The following ADGRL2 variants were observed in gnomAD, a reference collection of about 807,000 sequenced individuals.
ADGRL2 encodes the protein adhesion G protein-coupled receptor L2.
Under a neutral mutation model 157.4 loss-of-function variants are expected in ADGRL2, and 44 were observed. The ratio of observed to expected loss-of-function variants is 0.28; its 90% confidence interval spans 0.22 to 0.36. ADGRL2 has a LOEUF of 0.36. Among genes scored for constraint, ADGRL2 ranks in the 10% least tolerant of loss-of-function variants. The pLI, the probability that ADGRL2 is intolerant of heterozygous loss-of-function variation, is 1.00. For missense variants in ADGRL2, 1,510 were observed against 1,768.9 expected (o/e 0.85, Z 2.63); for synonymous variants, 585 against 624.7 (o/e 0.94, Z 0.95).
At chr1:81,697,173 G>A (rs1406516631), upstream of ADGRL2, among the ~76,000 whole-genome samples, 1 of 152,246 alleles carries the variant, frequency 6.6e-6, no homozygotes, top group South Asian at 2.1e-4. Context: ...AGCCTTAGGG[G>A]TTCAAATTGA....
chr1:81,472,958 TGTC>T (rs2078201425), intron 2 of ADGRL2, among the ~76,000 whole-genome samples: 1 of 152,184 alleles, frequency 6.6e-6, no homozygotes. Flanking sequence ...CAAAAGTGTC[TGTC>T]TGAGAACCCG....
At chr1:81,474,634 A>G (rs916916911) in intron 2 of ADGRL2, among the ~76,000 whole-genome samples, 1 of 152,208 alleles carries the variant, frequency 6.6e-6, no homozygotes, top group African/African-American at 2.4e-5. Flanking sequence ...ATTATAGAGT[A>G]GAGTCAAATC....
chr1:81,777,985 C>T (rs1410986068), intron 2 of ADGRL2, among the ~76,000 whole-genome samples: 1 of 152,056 alleles, frequency 6.6e-6, no homozygotes, highest in Non-Finnish European at 1.5e-5. Flanking sequence ...ATTAACATTG[C>T]CATTGGGTAC....
At chr1:81,973,539 G>T (rs561446262) in intron 17 of ADGRL2, among the ~76,000 whole-genome samples, 1 of 152,164 alleles carries the variant, frequency 6.6e-6, no homozygotes, top group African/African-American at 2.4e-5. Context: ...GTGAAGATAA[G>T]TACTGACTTT....
chr1:81,840,002 G>A (rs753435098), intron 2 of ADGRL2, among the ~76,000 whole-genome samples: 2 of 131,090 alleles, frequency 1.5e-5, no homozygotes, highest in South Asian at 2.5e-4. Flanking sequence ...CTCGTTGATT[G>A]ATGGGCATTT....
intron 3 of ADGRL2, among the ~76,000 whole-genome samples, chr1:81,654,059 C>T (rs2082479088): frequency 6.6e-6 from 1 of 152,124 alleles, no homozygotes; most frequent in South Asian, 2.1e-4. Flanking sequence ...AATTCTCCTG[C>T]CTCAGCCTCC....
At chr1:81,400,979 G>T (rs908957551) in intron 1 of ADGRL2, among the ~76,000 whole-genome samples, 1 of 152,140 alleles carries the variant, frequency 6.6e-6, no homozygotes, top group African/African-American at 2.4e-5. Context: ...TTTTCTCAGG[G>T]AACAATGTGC....
At chr1:81,865,317 ACTC>A (rs1357482745) in intron 2 of ADGRL2, among the ~76,000 whole-genome samples, 1 of 152,118 alleles carries the variant, frequency 6.6e-6, no homozygotes, top group South Asian at 2.1e-4. Context: ...CTCCAGTCAG[ACTC>A]CTCCTGATAT....
At chr1:81,746,824 A>G (rs2085262187) in intron 1 of ADGRL2, among the ~76,000 whole-genome samples, 1 of 151,086 alleles carries the variant, frequency 6.6e-6, no homozygotes, top group African/African-American at 2.4e-5. Context: ...TACTAATTCA[A>G]ATTATATATA....
intron 2 of ADGRL2, among the ~76,000 whole-genome samples, chr1:81,468,445 A>G (rs1198989248): frequency 6.6e-6 from 1 of 152,204 alleles, no homozygotes; most frequent in Non-Finnish European, 1.5e-5. Context: ...CAGAAAATAA[A>G]ATGGACCCCA....
At chr1:81,432,112 G>T (rs765562901) in intron 1 of ADGRL2, among the ~76,000 whole-genome samples, 6 of 152,316 alleles carry the variant, frequency 3.9e-5, no homozygotes, top group Non-Finnish European at 7.4e-5. Flanking sequence ...GTCACAGATT[G>T]CATCAAGCCA....
chr1:81,382,528 C>T (rs35709841), intron 1 of ADGRL2, among the ~76,000 whole-genome samples: 168 of 151,864 alleles, frequency 1.1e-3, no homozygotes, highest in Non-Finnish European at 2.2e-3. Flanking sequence ...AGGTTATTTG[C>T]TTTTTTAAAA....
At chr1:81,961,931 T>C (rs1655533581) in intron 11 of ADGRL2, among the ~76,000 whole-genome samples, 1 of 152,222 alleles carries the variant, frequency 6.6e-6, no homozygotes, top group Non-Finnish European at 1.5e-5. Context: ...ATAGACATTT[T>C]AGTGGCTTCT....
intron 8 of ADGRL2, 127 bp downstream of exon 8, chr1:81,951,248 T>A (rs933792806): frequency 5.4e-5 from 32 of 590,952 alleles, no homozygotes; most frequent in Non-Finnish European, 9.3e-5. Context: ...TAAAAAAAAA[T>A]TACGCATAGT....
At chr1:81,540,881 G>T (rs560037968) in intron 2 of ADGRL2, among the ~76,000 whole-genome samples, 2 of 152,080 alleles carry the variant, frequency 1.3e-5, no homozygotes, top group East Asian at 3.9e-4. Flanking sequence ...AGGGAGAAAT[G>T]GTGGCAGTTG....
chr1:81,394,294 A>G (rs930469399), intron 1 of ADGRL2, among the ~76,000 whole-genome samples: 2 of 152,166 alleles, frequency 1.3e-5, no homozygotes, highest in Non-Finnish European at 2.9e-5. Flanking sequence ...GTACTATAGA[A>G]CACTAGAACT....
intron 2 of ADGRL2, among the ~76,000 whole-genome samples, chr1:81,469,134 A>G (rs1411730185): frequency 2.0e-5 from 3 of 152,192 alleles, no homozygotes; most frequent in African/African-American, 7.2e-5. Context: ...AGAATCTTTC[A>G]GAAATTCTAA....
chr1:81,746,839 T>A (rs12141794), intron 1 of ADGRL2, among the ~76,000 whole-genome samples: 1 of 142,298 alleles, frequency 7.0e-6, no homozygotes, highest in Non-Finnish European at 1.5e-5. Context: ...TATATATACA[T>A]GTATATACAC....
At chr1:81,956,504 C>T (rs1557995372) in intron 11 of ADGRL2, among the ~76,000 whole-genome samples, 1 of 151,996 alleles carries the variant, frequency 6.6e-6, no homozygotes, top group Non-Finnish European at 1.5e-5. Context: ...ACATAACTGC[C>T]TTCAGGTGAA....
Sources: allele counts gnomAD v4.1 joint callset (sites outside exome capture counted in the v4.1 genomes callset), GRCh38; gene constraint gnomAD v4.1.1; transcripts MANE v1.5; gene names NCBI Gene and HGNC (gene_info 2026-07-23, HGNC 2026-07-21).